Variants in LPL observed in about 807,000 individuals in gnomAD.
LPL encodes the protein lipoprotein lipase, also known as phospholipase A1.
In LPL, 43 loss-of-function variants were observed where a neutral mutation model predicts 52.2. That is an observed-to-expected ratio of 0.82 (90% confidence interval 0.64 to 1.06). The LOEUF is 1.06. LPL is among the 50% of genes least tolerant of loss of function. The pLI is 0.00. For missense variants in LPL, 639 were observed against 585.3 expected (o/e 1.09, Z -0.95); for synonymous variants, 244 against 215.6 (o/e 1.13, Z -1.15).
At chr8:19,959,425 C>T in intron 7 of LPL, 45 bp downstream of exon 7, 1 of 1,612,424 alleles carries the variant, frequency 6.2e-7, no homozygotes, top group South Asian at 1.1e-5. Context: ...AGTCCCTCTC[C>T]TGCCATAACC....
chr8:19,962,314 T>G, intron 9 of LPL, 95 bp downstream of exon 9: 1 of 884,912 alleles, frequency 1.1e-6, no homozygotes, highest in Non-Finnish European at 1.9e-6. Context: ...CACCAGCAGC[T>G]TGCCCTGACT....
At chr8:19,963,567 C>G (rs913644421) in intron 9 of LPL, among the ~76,000 whole-genome samples, 3 of 151,728 alleles carry the variant, frequency 2.0e-5, no homozygotes, top group Non-Finnish European at 2.9e-5. Context: ...GAAAAATAAG[C>G]AAAAATAAAA....
At position 19,954,257 on chromosome 8, in the gene LPL, G is replaced by C. The variant is rs1389582732; in HGVS notation, c.679G>C (p.Val227Leu). 1.2e-6 allele frequency: 2 copies of C among 1,614,052 alleles called. No homozygotes were observed. Among genetic ancestry groups the C allele is most frequent in the African/African-American group, 2.7e-5 (2 of 74,902 alleles). Residue 227 changes from valine to leucine, a missense_variant, in exon 5 of 10, where the codon GTT becomes CTT. Physicochemically the swap from Val to Leu is conservative, Grantham distance 32 (BLOSUM62 1). Transcript: ENST00000650287. ...PGRSIGIQKP[V>L]GHVDIYPNGG... is the part of the protein sequence containing the mutation. Reference sequence around the variant, plus strand: ...TCGAAGCATTGGAATCCAGAAACCAGTTGGGCATGTTGACATTTACCCGAA... The same window carrying C: ...TCGAAGCATTGGAATCCAGAAACCACTTGGGCATGTTGACATTTACCCGAA...
chr8:19,947,624 C>A (rs2069892567), intron 1 of LPL, among the ~76,000 whole-genome samples: 2 of 151,512 alleles, frequency 1.3e-5, no homozygotes, highest in Admixed American at 6.6e-5. Flanking sequence ...CAGAACAAGA[C>A]CCTGTCTCAA....
rs1448149793 is a variant in LPL, at chr8:19,950,879, GAGGAAGGAAGGAAGGAATGA to G, written c.250-854_250-835del. Among the ~76,000 whole-genome samples the G allele has an allele frequency of 1.3e-3, 163 of 127,670 alleles. 2 individuals carry two copies. In the East Asian group the frequency reaches 0.026, roughly 21 times the overall value. 83.8% of individuals were successfully genotyped at this position (127,670 alleles called of 152,430 possible). ...GGAAGGAGGAAGGGAAGGAGGGAGG[GAGGAAGGAAGGAAGGAATGA>G]AGGAAGGAAGGAAGGAATGAAGGAA... On this transcript the variant is annotated intron_variant, in intron 2 of 9. Transcript: ENST00000650287. This position sits in a 1 kb window ranked among gnomAD's most constrained non-coding sequence, Gnocchi z 4.2.
chr8:19,949,384 A>G (rs1017039106), intron 2 of LPL, among the ~76,000 whole-genome samples: 3 of 152,246 alleles, frequency 2.0e-5, no homozygotes. Context: ...AAATATAGCC[A>G]TTTACTATGT....
intron 8 of LPL, 50 bp from the exon 9 acceptor site, chr8:19,962,065 G>A (rs770820936): frequency 1.6e-6 from 2 of 1,212,876 alleles, no homozygotes; most frequent in South Asian, 1.2e-5. Context: ...TTTGTGAACA[G>A]TGCTTTTGAT....
At chr8:19,946,207 T>C (rs2069880604) in intron 1 of LPL, among the ~76,000 whole-genome samples, 1 of 152,128 alleles carries the variant, frequency 6.6e-6, no homozygotes, top group African/African-American at 2.4e-5. Context: ...GCTTTAAAGA[T>C]CAATAGTTTA....
Position 19,955,959 on chromosome 8 carries a change from G to GA in LPL, c.897dup (p.Gly300ArgfsTer7). 6.2e-7 allele frequency: 1 copy of GA among 1,614,142 alleles called. No homozygotes were observed. The highest frequency in any genetic ancestry group is 1.1e-5 in the South Asian group (1 of 91,088). ...GGTGCAGTTCCAAGGAAGCCTTTGA[G>GA]AAAGGGCTCTGCTTGAGTTGTAGAA... On this transcript the variant is annotated frameshift_variant, in exon 6 of 10. Coordinates refer to ENST00000650287, the MANE Select transcript of LPL (RefSeq NM_000237.3). LOFTEE classifies it high-confidence loss of function.
chr8:19,956,974 C>T (rs750980118), intron 6 of LPL, among the ~76,000 whole-genome samples: 1 of 152,160 alleles, frequency 6.6e-6, no homozygotes, highest in African/African-American at 2.4e-5. Flanking sequence ...CAGGCATGCA[C>T]CATCATGCCC....
chr8:19,955,778 C>G lies in LPL; in HGVS notation c.776-63C>G. The G allele has an allele frequency of 6.2e-6, 10 of 1,608,922 alleles. No individual in the cohort carries two copies. The South Asian group carries it at 1.1e-4, about 18-fold the overall frequency. On this transcript the variant is annotated intron_variant, in intron 5 of 9. Coordinates refer to ENST00000650287, the MANE Select transcript of LPL (RefSeq NM_000237.3). ...CACATCTCACCTATTTTAGACATGC[C>G]AAATGAAACACTCTTTGTGAATTTC...
rs896562309 is a variant in LPL, at chr8:19,950,124, T to G, written c.250-1645T>G. Among the ~76,000 whole-genome samples the G allele has an allele frequency of 6.6e-6, 1 of 152,212 alleles. No homozygotes were observed. The highest frequency in any genetic ancestry group is 1.5e-5 in the Non-Finnish European group (1 of 68,040). ...AGAGACTGCTGTCTGGCTGTGGGAC[T>G]GAGTTGGGTCTGTGCAAGAACTAAG... is the stretch of plus-strand genomic sequence containing the variant. On this transcript the variant is annotated intron_variant, in intron 2 of 9. Coordinates refer to ENST00000650287, the MANE Select transcript of LPL (RefSeq NM_000237.3). The surrounding 1 kb of genome is among the most constrained non-coding windows in gnomAD (Gnocchi z 4.2).
At chr8:19,962,457 G>A (rs1040931906) in intron 9 of LPL, among the ~76,000 whole-genome samples, 2 of 152,026 alleles carry the variant, frequency 1.3e-5, no homozygotes, top group African/African-American at 4.8e-5. Context: ...CTTCAACCCA[G>A]GCACACATTT....
chr8:19,953,555 C>A, intron 4 of LPL, 134 bp downstream of exon 4: 1 of 695,614 alleles, frequency 1.4e-6, no homozygotes, highest in Non-Finnish European at 2.6e-6. Flanking sequence ...ACTTGATTAT[C>A]TCATTGTAGG....
chr8:19,939,657 C>G lies in LPL; in HGVS notation c.88+129C>G. 1.1e-6 allele frequency: 1 copy of G among 951,956 alleles called. No homozygotes were observed. 59.0% of individuals were successfully genotyped at this position (951,956 alleles called of 1,614,324 possible). A position where few individuals can be genotyped will look rare whatever the true frequency, so the allele number is the denominator to read the frequency against. ...CGCCCAGGGACTCTCCCAGCCTGGG[C>G]TCTAGCCCCGAAACGGTCCCCGGAG... On this transcript the variant is annotated intron_variant, in intron 1 of 9. Transcript: ENST00000650287. The surrounding 1 kb of genome is among the most constrained non-coding windows in gnomAD (Gnocchi z 4.0).
chr8:19,939,544 A>C lies in LPL; in HGVS notation c.88+16A>C. 2 of 1,603,174 alleles carry C rather than the reference A, an allele frequency of 1.2e-6. No homozygotes were observed. Among genetic ancestry groups the C allele is most frequent in the Non-Finnish European group, 1.7e-6 (2 of 1,176,012 alleles). ...GCCGCCGACCGTAAGTTTTGCGCGC[A>C]AACTCCCCTCCACCTGCAGACCCGG... On this transcript the variant is annotated intron_variant, in intron 1 of 9. Coordinates refer to ENST00000650287, the MANE Select transcript of LPL (RefSeq NM_000237.3). The surrounding 1 kb of genome is among the most constrained non-coding windows in gnomAD (Gnocchi z 4.0).
intron 6 of LPL, among the ~76,000 whole-genome samples, chr8:19,958,266 C>A (rs1344483775): frequency 1.3e-5 from 2 of 152,152 alleles, no homozygotes; most frequent in Non-Finnish European, 2.9e-5. Flanking sequence ...AGGTGATTCA[C>A]CCACCAAGGC....
At position 19,959,377 on chromosome 8, in the gene LPL, C is replaced by G. The variant is rs76708715; in HGVS notation, c.1136C>G (p.Thr379Ser). 8 of 1,614,128 alleles carry G rather than the reference C, an allele frequency of 5.0e-6. No homozygotes were observed. Among genetic ancestry groups the G allele is most frequent in the Non-Finnish European group, 6.8e-6 (8 of 1,180,014 alleles). ...TVAESENIPF[T>S]LPEVSTNKTY... Reference sequence around the variant, plus strand: ...GCCGAGAGTGAGAACATCCCATTCACTCTGTGAGTAGCACAGGGGGGCGGT... The same window carrying G: ...GCCGAGAGTGAGAACATCCCATTCAGTCTGTGAGTAGCACAGGGGGGCGGT... Residue 379 changes from threonine to serine, a missense_variant, in exon 7 of 10, where the codon ACT becomes AGT. Coordinates refer to ENST00000650287, the MANE Select transcript of LPL (RefSeq NM_000237.3).
In LPL at chr8:19,950,921, G is replaced by T. The variant is rs898244699; in HGVS notation, c.250-848G>T. Among the ~76,000 whole-genome samples the T allele has an allele frequency of 7.2e-6, 1 of 139,860 alleles. No individual in the cohort carries two copies. The highest frequency in any genetic ancestry group is 7.1e-5 in the Admixed American group (1 of 14,050). 91.8% of individuals were successfully genotyped at this position (139,860 alleles called of 152,430 possible). On this transcript the variant is annotated intron_variant, in intron 2 of 9. Transcript: ENST00000650287. This position sits in a 1 kb window ranked among gnomAD's most constrained non-coding sequence, Gnocchi z 4.2. ...ATGAAGGAAGGAAGGAAGGAATGAA[G>T]GAAGGAAGGAAGGGAGGGAGGAAGA... is the stretch of plus-strand genomic sequence containing the variant.
Sources: allele counts gnomAD v4.1 joint callset (sites outside exome capture counted in the v4.1 genomes callset), GRCh38; gene constraint gnomAD v4.1.1; non-coding constraint Gnocchi (gnomAD v3.1); transcripts MANE v1.5; gene names NCBI Gene and HGNC (gene_info 2026-07-23, HGNC 2026-07-21).